NELL1: variants seen among roughly 807,000 people sequenced by gnomAD.
The protein encoded by NELL1 is neural EGFL like 1.
In NELL1, 76 loss-of-function variants were observed where a neutral mutation model predicts 107.4. The ratio of observed to expected loss-of-function variants is 0.71; its 90% CI spans 0.59 to 0.86. The LOEUF (loss-of-function observed/expected upper bound fraction) is 0.86, where lower values mean the gene tolerates loss of function less well. Among genes scored for constraint, NELL1 ranks in the 40% least tolerant of loss-of-function variants. The pLI, the probability that NELL1 is intolerant of heterozygous loss-of-function variation, is 0.00. For missense variants in NELL1, 1,024 were observed against 1,005.5 expected (o/e 1.02, Z -0.25); for synonymous variants, 353 against 341.2 (o/e 1.03, Z -0.38).
chr11:21,093,244 C>G (rs2133692119), intron 12 of NELL1, among the ~76,000 whole-genome samples: 1 of 152,232 alleles, frequency 6.6e-6, no homozygotes, highest in Non-Finnish European at 1.5e-5. Context: ...AGCCAGGGCC[C>G]CAGACTGAGA....
chr11:21,141,034 G>A (rs1220369727), intron 13 of NELL1, among the ~76,000 whole-genome samples: 1 of 152,156 alleles, frequency 6.6e-6, no homozygotes, highest in Non-Finnish European at 1.5e-5. Context: ...AAGAAATGAA[G>A]TGCTCTGGAA....
chr11:20,742,522 T>C (rs531002466), intron 2 of NELL1, among the ~76,000 whole-genome samples: 57 of 152,130 alleles, frequency 3.7e-4, no homozygotes, highest in Admixed American at 9.8e-4. Context: ...AAAGAAAAGA[T>C]GTTTAATAGA....
rs893260663 is a variant in NELL1, at chr11:21,527,942, C to A, written c.1646-6432C>A. Among the ~76,000 whole-genome samples, 33 of 152,158 alleles carry A rather than the reference C, an allele frequency of 2.2e-4. 1 individual carries two copies. The highest frequency in any genetic ancestry group is 8.8e-5 in the Non-Finnish European group (6 of 68,034). The stretch of plus-strand genomic sequence containing the variant: ...AGATTGAGGGTGGGTCTGCCTCTCC[C>A]AGTCTATTGACTCAAATGTTAATCT... On this transcript the variant is annotated intron_variant, in intron 15 of 19. Transcript: ENST00000357134.
At chr11:21,478,413 C>G (rs759913001) in intron 15 of NELL1, among the ~76,000 whole-genome samples, 2 of 152,140 alleles carry the variant, frequency 1.3e-5, no homozygotes, top group African/African-American at 2.4e-5. Context: ...AACAGTCCCA[C>G]AAAGTCTTAA....
At chr11:21,011,640 C>G (rs61880790) in intron 12 of NELL1, among the ~76,000 whole-genome samples, 6,090 of 152,254 alleles carry the variant, frequency 0.04, 193 homozygotes, top group Non-Finnish European at 0.056. Context: ...TGATTACACT[C>G]TCTGCAGTTG....
intron 15 of NELL1, among the ~76,000 whole-genome samples, chr11:21,477,800 C>T (rs1854381848): frequency 6.7e-6 from 1 of 150,300 alleles, no homozygotes; most frequent in African/African-American, 2.4e-5. Context: ...CAAGATAATA[C>T]AGAGAGTGAA....
chr11:21,341,258 T>C (rs1850558450), intron 14 of NELL1, among the ~76,000 whole-genome samples: 1 of 152,178 alleles, frequency 6.6e-6, no homozygotes, highest in Admixed American at 6.5e-5. Flanking sequence ...TACATTGTGA[T>C]AGAGTTCAGG....
At chr11:21,102,752 C>A (rs1027830025) in intron 12 of NELL1, among the ~76,000 whole-genome samples, 1 of 152,102 alleles carries the variant, frequency 6.6e-6, no homozygotes, top group Non-Finnish European at 1.5e-5. Context: ...TTCCGTTCCA[C>A]CTTTGGGTTG....
At chr11:21,164,386 T>C (rs1406446904) in intron 13 of NELL1, among the ~76,000 whole-genome samples, 6 of 152,200 alleles carry the variant, frequency 3.9e-5, no homozygotes, top group Non-Finnish European at 8.8e-5. Context: ...TGTGTGAGTC[T>C]CAATTCTGTA....
intron 9 of NELL1, among the ~76,000 whole-genome samples, chr11:20,929,304 C>A (rs1850566910): frequency 6.6e-6 from 1 of 152,188 alleles, no homozygotes; most frequent in Non-Finnish European, 1.5e-5. Context: ...GCCTTCAAAG[C>A]ACAGTGGTCT....
At chr11:21,135,361 G>A (rs967174780) in intron 13 of NELL1, among the ~76,000 whole-genome samples, 1 of 152,226 alleles carries the variant, frequency 6.6e-6, no homozygotes, top group African/African-American at 2.4e-5. Flanking sequence ...AACTCAGGCA[G>A]AGAAGTGTGT....
chr11:21,573,470 G>GTGGACCTCCTGCAA, intron 19 of NELL1, 61 bp downstream of exon 19: 9 of 1,427,986 alleles, frequency 6.3e-6, no homozygotes, highest in African/African-American at 1.4e-5. Flanking sequence ...ACTTGCAGGA[G>GTGGACCTCCTGCAA]GTCCACTCCT....
chr11:20,925,662 T>C (rs2134169613), intron 7 of NELL1, among the ~76,000 whole-genome samples: 1 of 152,234 alleles, frequency 6.6e-6, no homozygotes, highest in South Asian at 2.1e-4. Flanking sequence ...AGCTAATATT[T>C]CAGGCAGCGT....
At position 21,232,154 on chromosome 11, in the gene NELL1, A is replaced by AT. The variant is rs1554985103; in HGVS notation, c.1549+2700_1549+2701insT. On this transcript the variant is annotated intron_variant, in intron 14 of 19. Transcript: ENST00000357134. ...ATCTCTACTAAAAAAAAATAAAAAA[A>AT]AAAAAATATATATATATATATATAA... 5.6e-3 allele frequency among the ~76,000 whole-genome samples: 350 copies of AT among 62,960 alleles called. 2 individuals carry two copies. The highest frequency in any genetic ancestry group is 0.021 in the African/African-American group (309 of 14,388). The allele number at this position is 62,960 out of a possible 152,430, so 41.3% of individuals were successfully genotyped here.
At chr11:20,724,403 T>C (rs1323034351) in intron 2 of NELL1, among the ~76,000 whole-genome samples, 1 of 152,188 alleles carries the variant, frequency 6.6e-6, no homozygotes, top group East Asian at 1.9e-4. Context: ...AACTGAATGC[T>C]TTCAGAATAA....
At chr11:21,096,143 C>G (rs2133696598) in intron 12 of NELL1, among the ~76,000 whole-genome samples, 1 of 152,276 alleles carries the variant, frequency 6.6e-6, no homozygotes, top group Admixed American at 6.5e-5. Flanking sequence ...GCCCACTACC[C>G]AGATCACCAG....
intron 12 of NELL1, among the ~76,000 whole-genome samples, chr11:21,017,834 C>T (rs961906222): frequency 1.3e-4 from 20 of 152,072 alleles, no homozygotes; most frequent in Non-Finnish European, 2.8e-4. Context: ...TTTCTATCAT[C>T]CTTATCTATG....
At chr11:20,960,320 A>G in intron 11 of NELL1, 112 bp from the exon 12 acceptor site, 3 of 1,127,200 alleles carry the variant, frequency 2.7e-6, no homozygotes, top group Non-Finnish European at 3.8e-6. Flanking sequence ...GCATACTGCC[A>G]AAGTGTATTT....
At chr11:21,437,796 A>T (rs900267320) in intron 15 of NELL1, among the ~76,000 whole-genome samples, 2 of 152,196 alleles carry the variant, frequency 1.3e-5, no homozygotes, top group African/African-American at 4.8e-5. Context: ...CTTACAAGTG[A>T]AGTGAGTTTC....
Sources: allele counts gnomAD v4.1 joint callset (sites outside exome capture counted in the v4.1 genomes callset), GRCh38; gene constraint gnomAD v4.1.1; transcripts MANE v1.5; gene names NCBI Gene and HGNC (gene_info 2026-07-23, HGNC 2026-07-21).